APOB: variants seen among roughly 807,000 people sequenced by gnomAD.
The protein encoded by APOB is apolipoprotein B-100.
Under a neutral mutation model 314.1 loss-of-function variants are expected in APOB, and 153 were observed. The observed-to-expected ratio is 0.49, with a 90% CI of 0.43 to 0.56. The LOEUF (loss-of-function observed/expected upper bound fraction) is 0.56, where lower values mean the gene tolerates loss of function less well. Ranked by LOEUF, APOB falls within the 20% of genes least tolerant of loss-of-function variation. The pLI is 0.00. For missense variants in APOB, 5,430 were observed against 5,350.7 expected (o/e 1.01, Z -0.46); for synonymous variants, 2,087 against 2,036.4 (o/e 1.02, Z -0.67).
rs1157714858 is a variant in APOB, at chr2:21,027,868, G to A, written c.2027C>T (p.Thr676Ile). ...TGAAGCAAATCCAAAGGCAGTGAGG[G>A]TAGTTTTCAGCATGCTTTCTTTAGG... ...YLPKESMLKT[T>I]LTAFGFASAD... Residue 676 changes from threonine to isoleucine, a missense_variant, in exon 14 of 29, where the codon ACC (threonine) becomes ATC (isoleucine). This residue lies in a region of APOB where 2,085 missense variants were observed against 2,079.7 expected (regional missense o/e 1.00). Transcript: ENST00000233242. 6.2e-7 allele frequency: 1 copy of A among 1,613,958 alleles called. No homozygotes were observed. Among genetic ancestry groups the A allele is most frequent in the African/African-American group, 1.3e-5 (1 of 74,904 alleles).
Position 21,008,683 on chromosome 2 carries a change from T to G in APOB, c.8185A>C (p.Asn2729His). The change falls in exon 26 of 29, where the codon AAT (asparagine) becomes CAT (histidine). Residue 2729 changes from asparagine to histidine, a missense_variant. Physicochemically the swap from Asn to His is moderately conservative, Grantham distance 68. Coordinates refer to ENST00000233242, the MANE Select transcript of APOB (RefSeq NM_000384.3). Reference sequence around the variant, plus strand: ...TGAAGGTCAGGAACTTGAAAATCATTAAGGTTGAGAGTTGGGATTATGAAT... The same window carrying G: ...TGAAGGTCAGGAACTTGAAAATCATGAAGGTTGAGAGTTGGGATTATGAAT... ...PEFIIPTLNL[N>H]DFQVPDLHIP... The G allele has an allele frequency of 6.2e-7, 1 of 1,613,998 alleles. No homozygotes were observed.
intron 20 of APOB, among the ~76,000 whole-genome samples, chr2:21,017,584 G>A (rs1401775603): frequency 6.6e-6 from 1 of 152,072 alleles, no homozygotes; most frequent in Non-Finnish European, 1.5e-5. Context: ...CACTTAGCTT[G>A]TTTGTGGAAC....
chr2:21,028,051 A>G lies in APOB; in HGVS notation c.1844T>C (p.Val615Ala), dbSNP rs1301197571. ...TTGAGATTCTTTCAGAGCTTCTTTC[A>G]CTAACTTTTTCAGACTAGATAAGAA... ...ELDIQDLKKL[V>A]KEALKESQLP... The change falls in exon 14 of 29, where the codon GTG becomes GCG. Residue 615 changes from valine to alanine, a missense_variant. By Grantham distance (64) the Val-to-Ala change is moderately conservative. Transcript: ENST00000233242. The G allele has an allele frequency of 6.8e-6, 11 of 1,609,736 alleles. No individual in the cohort carries two copies. Among genetic ancestry groups the G allele is most frequent in the Non-Finnish European group, 8.5e-6 (10 of 1,176,154 alleles).
chr2:21,030,708 G>A (rs1308106197), intron 10 of APOB, among the ~76,000 whole-genome samples: 1 of 152,020 alleles, frequency 6.6e-6, no homozygotes, highest in Non-Finnish European at 1.5e-5. Flanking sequence ...ATCCAATGGG[G>A]TACTAATATC....
rs1409176501 is a variant in APOB at position 21,002,249 on chromosome 2, T to G, written c.13173A>C (p.Pro4391=). 6.2e-7 allele frequency: 1 copy of G among 1,614,000 alleles called. No homozygotes were observed. Among genetic ancestry groups the G allele is most frequent in the Non-Finnish European group, 8.5e-7 (1 of 1,179,968 alleles). The part of the protein sequence containing the change: ...IMALREEYFD[P]SIVGWTVKYY... ...ATTTCACTGTCCAGCCAACTATACT[T>G]GGATCAAAATATTCTTCACGAAGGG... Residue 4391 remains proline (P), a synonymous_variant, in exon 29 of 29, where the codon CCA becomes CCC. Transcript: ENST00000233242.
Position 21,010,468 on chromosome 2 carries a change from G to T in APOB, c.6400C>A (p.Gln2134Lys), listed in dbSNP as rs1478703566. Residue 2134 changes from glutamine (Q) to lysine (K), a missense_variant, in exon 26 of 29, where the codon CAA becomes AAA. Gln to Lys is a moderately conservative substitution (Grantham distance 53, BLOSUM62 1). Around this residue, in one of 3 missense-constraint regions of APOB, gnomAD observed 3,281 missense variants for 3,171.0 expected, o/e 1.03. Transcript: ENST00000233242. ...DYLNSFNWER[Q>K]VSHAKEKLTA... Reference sequence around the variant, plus strand: ...AGTTTCTCCTTGGCATGTGAAACTTGTCTCTCCCAATTGAATGAATTCAGA... The same window carrying T: ...AGTTTCTCCTTGGCATGTGAAACTTTTCTCTCCCAATTGAATGAATTCAGA... 19 of 1,610,764 alleles carry T rather than the reference G, an allele frequency of 1.2e-5. No homozygotes were observed. Among genetic ancestry groups the T allele is most frequent in the Non-Finnish European group, 1.5e-5 (18 of 1,177,570 alleles).
intron 28 of APOB, 114 bp downstream of exon 28, chr2:21,004,155 G>A (rs533261712): frequency 5.7e-5 from 63 of 1,107,972 alleles, no homozygotes; most frequent in East Asian, 3.4e-4. Flanking sequence ...GTTGCTTACC[G>A]CCTGTCTTTC....
chr2:21,023,093 TGTCA>T, intron 17 of APOB, 51 bp from the exon 18 acceptor site: 1 of 1,527,018 alleles, frequency 6.5e-7, no homozygotes, highest in Non-Finnish European at 9.1e-7. Context: ...TTCAGTCCCC[TGTCA>T]GTCAGATCAA....
At position 21,011,977 on chromosome 2, in the gene APOB, A is replaced by C. The variant is rs1663336791; in HGVS notation, c.4891T>G (p.Leu1631Val). 2 of 1,614,048 alleles carry C rather than the reference A, an allele frequency of 1.2e-6. No homozygotes were observed. The highest frequency in any genetic ancestry group is 2.7e-5 in the African/African-American group (2 of 74,918). The change falls in exon 26 of 29, where the codon TTA (leucine) becomes GTA (valine). Residue 1631 changes from leucine to valine, a missense_variant. Physicochemically the swap from Leu to Val is conservative, Grantham distance 32. Coordinates refer to ENST00000233242, the MANE Select transcript of APOB (RefSeq NM_000384.3). ...CCACTATTAATTTTGTCAGTGCCTA[A>C]GATGTCAGCATTTAACTCAAGACCA... The part of the protein sequence containing the change: ...SHGLELNADI[L>V]GTDKINSGAH...
At chr2:21,029,353 A>G (rs1184338200) in intron 12 of APOB, among the ~76,000 whole-genome samples, 1 of 152,180 alleles carries the variant, frequency 6.6e-6, no homozygotes, top group Non-Finnish European at 1.5e-5. Context: ...CAGGAGGCTG[A>G]GGCAGAGAGA....
In APOB at chr2:21,037,114, G is replaced by C. The variant is rs146880648; in HGVS notation, c.679C>G (p.Leu227Val). 9 of 1,614,096 alleles carry C rather than the reference G, an allele frequency of 5.6e-6. No homozygotes were observed. The highest frequency in any genetic ancestry group is 2.7e-5 in the African/African-American group (2 of 74,940). Residue 227 changes from leucine to valine, a missense_variant, in exon 6 of 29, where the codon CTC becomes GTC. Leu to Val is a conservative substitution (Grantham distance 32). Around this residue, in one of 3 missense-constraint regions of APOB, gnomAD observed 2,085 missense variants for 2,079.7 expected, o/e 1.00. Coordinates refer to ENST00000233242, the MANE Select transcript of APOB (RefSeq NM_000384.3). ...PIRTGISPLA[L>V]IKGMTRPLST... ...ATGGGACTTACCATGCCTTTGATGA[G>C]AGCAAGTGGGCTGATGCCTGTGCGG...
rs758579572 is a variant in APOB, at chr2:21,009,091, T to A, written c.7777A>T (p.Ile2593Phe). The A allele has an allele frequency of 2.5e-6, 4 of 1,613,960 alleles. No individual in the cohort carries two copies. Among genetic ancestry groups the A allele is most frequent in the Non-Finnish European group, 3.4e-6 (4 of 1,179,960 alleles). ...TCAAAGGCAGGCATGGTCCCAAGGA[T>A]GGTCTTGATTTCAGGAACAGTGAAC... ...QGFTVPEIKT[I>F]LGTMPAFEVS... The change falls in exon 26 of 29, where the codon ATC (isoleucine) becomes TTC (phenylalanine). Residue 2593 changes from isoleucine (I) to phenylalanine (F), a missense_variant. Coordinates refer to ENST00000233242, the MANE Select transcript of APOB (RefSeq NM_000384.3).
rs1663291931 is a variant in APOB, at chr2:21,010,792, C to T, written c.6076G>A (p.Val2026Met). The change falls in exon 26 of 29, where the codon GTG becomes ATG. Residue 2026 changes from valine to methionine, a missense_variant. Coordinates refer to ENST00000233242, the MANE Select transcript of APOB (RefSeq NM_000384.3). ...DLTLLDSPIK[V>M]PLLLSEPINI... Reference sequence around the variant, plus strand: ...ATGGGCTCACTGAGTAAAAGTGGCACTTTAATTGGGGAGTCTAGTAGAGTT... The same window carrying T: ...ATGGGCTCACTGAGTAAAAGTGGCATTTTAATTGGGGAGTCTAGTAGAGTT... 6.2e-7 allele frequency: 1 copy of T among 1,614,102 alleles called. No homozygotes were observed. The highest frequency in any genetic ancestry group is 8.5e-7 in the Non-Finnish European group (1 of 1,179,992).
In APOB at chr2:21,006,117, G is replaced by A; in HGVS notation, c.10751C>T (p.Thr3584Ile). ...EGLFFTNGEH[T>I]SKATLELSPW... ...AGAGAGTTCCAGGGTGGCTTTGCTT[G>A]TATGTTCTCCGTTGGTGAAAAAGAG... The change falls in exon 26 of 29, where the codon ACA (threonine) becomes ATA (isoleucine). Residue 3584 changes from threonine (T) to isoleucine (I), a missense_variant. Coordinates refer to ENST00000233242, the MANE Select transcript of APOB (RefSeq NM_000384.3). The A allele has an allele frequency of 6.2e-7, 1 of 1,613,990 alleles. No individual in the cohort carries two copies. Among genetic ancestry groups the A allele is most frequent in the South Asian group, 1.1e-5 (1 of 91,074 alleles).
rs755072077 is a variant in APOB, at chr2:21,009,181, C to G, written c.7687G>C (p.Asp2563His). 1.2e-6 allele frequency: 2 copies of G among 1,614,048 alleles called. No homozygotes were observed. The highest frequency in any genetic ancestry group is 4.5e-5 in the East Asian group (2 of 44,878). The change falls in exon 26 of 29, where the codon GAC becomes CAC. Residue 2563 changes from aspartate to histidine, a missense_variant. By Grantham distance (81) the Asp-to-His change is moderately conservative. Transcript: ENST00000233242. ...WWTLAAKNLT[D>H]FAEQYSIQDW... ...TGGATAGAATATTGCTCTGCAAAGT[C>G]AGTAAGGTTCTTAGCAGCAAGAGTC...
Position 21,026,775 on chromosome 2 carries a change from C to T in APOB, c.2244+13G>A. On this transcript the variant is annotated intron_variant, in intron 15 of 28. Coordinates refer to ENST00000233242, the MANE Select transcript of APOB (RefSeq NM_000384.3). Reference sequence around the variant, plus strand: ...CAAAGCTTTCCTTAAGAAGATACTTCACAAATACACACCTGCTCATGTTTA... The same window carrying T: ...CAAAGCTTTCCTTAAGAAGATACTTTACAAATACACACCTGCTCATGTTTA... 6.2e-7 allele frequency: 1 copy of T among 1,609,706 alleles called. No individual in the cohort carries two copies. Among genetic ancestry groups the T allele is most frequent in the Non-Finnish European group, 8.5e-7 (1 of 1,176,016 alleles).
Position 21,019,845 on chromosome 2 carries a change from G to C in APOB, c.2877C>G (p.Asn959Lys). 1 of 1,614,178 alleles carries C rather than the reference G, an allele frequency of 6.2e-7. No individual in the cohort carries two copies. The highest frequency in any genetic ancestry group is 1.1e-5 in the South Asian group (1 of 91,086). Residue 959 changes from asparagine to lysine, a missense_variant, in exon 19 of 29, where the codon AAC becomes AAG. Asn to Lys is a moderately conservative substitution (Grantham distance 94). Coordinates refer to ENST00000233242, the MANE Select transcript of APOB (RefSeq NM_000384.3). Reference protein sequence around the residue: ...KTEVIPPLIENRQSWSVCKQV... With the variant: ...KTEVIPPLIEKRQSWSVCKQV... ...GCTTGCAAACTGACCAGGACTGCCT[G>C]TTCTCAATGAGAGGTGGGATCACCT...
At chr2:21,004,504 A>G in intron 27 of APOB, 52 bp from the exon 28 acceptor site, 1 of 1,613,274 alleles carries the variant, frequency 6.2e-7, no homozygotes, top group Non-Finnish European at 8.5e-7. Flanking sequence ...GGAGATGAAG[A>G]AAATCACAAT....
In APOB at chr2:21,001,819, T is replaced by G; in HGVS notation, c.13603A>C (p.Ile4535Leu). 3 of 1,614,076 alleles carry G rather than the reference T, an allele frequency of 1.9e-6. No individual in the cohort carries two copies. The highest frequency in any genetic ancestry group is 2.5e-6 in the Non-Finnish European group (3 of 1,179,948). Residue 4535 changes from isoleucine (I) to leucine (L), a missense_variant, in exon 29 of 29, where the codon ATC becomes CTC. Physicochemically the swap from Ile to Leu is conservative, Grantham distance 5 (BLOSUM62 2). Coordinates refer to ENST00000233242, the MANE Select transcript of APOB (RefSeq NM_000384.3). ...IQNYHTFLIYITELLKKLQST... is the reference protein window; with the variant it reads ...IQNYHTFLIYLTELLKKLQST... ...TGCAGCTTTTTCAGTAACTCCGTGA[T>G]GTATATCAGAAATGTGTGGTAGTTT...
Sources: allele counts gnomAD v4.1 joint callset (sites outside exome capture counted in the v4.1 genomes callset), GRCh38; gene constraint gnomAD v4.1.1; regional missense constraint gnomAD v4.1.1; transcripts MANE v1.5; gene names NCBI Gene and HGNC (gene_info 2026-07-23, HGNC 2026-07-21).